The following PUM1 variants were observed in gnomAD, a reference collection of about 807,000 sequenced individuals.
The protein encoded by PUM1 is pumilio homolog 1.
PUM1 carries 13 observed loss-of-function variants against 131.8 expected under a neutral mutation model. The observed-to-expected ratio is 0.10, with a 90% CI of 0.06 to 0.16. PUM1 has a LOEUF of 0.16. Among genes scored for constraint, PUM1 ranks in the 10% least tolerant of loss-of-function variants. The probability of loss-of-function intolerance (pLI) is 1.00; values close to 1 mark genes in which losing one functional copy is unlikely to be tolerated. For missense variants in PUM1, 961 were observed against 1,512.4 expected, an observed-to-expected ratio of 0.64 and a Z score of 6.05; for synonymous variants, 509 against 556.5, an observed-to-expected ratio of 0.91 and a Z score of 1.20.
chr1:30,972,823 C>A (rs6684464), intron 10 of PUM1, among the ~76,000 whole-genome samples: 1 of 150,956 alleles, frequency 6.6e-6, no homozygotes, highest in Non-Finnish European at 1.5e-5. Context: ...CTCAGGCCTA[C>A]AATCACAGCA....
At chr1:30,970,324 C>T (rs982918620) in intron 10 of PUM1, among the ~76,000 whole-genome samples, 1 of 152,194 alleles carries the variant, frequency 6.6e-6, no homozygotes, top group Non-Finnish European at 1.5e-5. Context: ...GTGACCAACA[C>T]TGTCCACACT....
At chr1:30,987,474 C>T (rs552652701) in intron 7 of PUM1, among the ~76,000 whole-genome samples, 7 of 152,254 alleles carry the variant, frequency 4.6e-5, no homozygotes, top group Non-Finnish European at 7.3e-5. Context: ...AGATTACAGG[C>T]GTGAGCCACC....
chr1:31,007,366 T>C (rs536903765), intron 3 of PUM1, among the ~76,000 whole-genome samples: 3 of 152,284 alleles, frequency 2.0e-5, no homozygotes, highest in Admixed American at 6.5e-5. Flanking sequence ...TATCTAGAAT[T>C]ACTCGCTTAA....
intron 9 of PUM1, among the ~76,000 whole-genome samples, chr1:30,976,600 A>G (rs919587393): frequency 6.6e-6 from 1 of 152,180 alleles, no homozygotes; most frequent in African/African-American, 2.4e-5. Context: ...CCCAATATAA[A>G]TATGTTTTGA....
chr1:30,997,337 C>G (rs2124493893), intron 5 of PUM1, among the ~76,000 whole-genome samples: 1 of 152,060 alleles, frequency 6.6e-6, no homozygotes, highest in East Asian at 1.9e-4. Flanking sequence ...ATGGTGAAAC[C>G]CTGTCTCTAA....
chr1:30,950,078 C>T (rs1639864168), intron 17 of PUM1, 49 bp downstream of exon 17: 1 of 1,586,450 alleles, frequency 6.3e-7, no homozygotes, highest in Non-Finnish European at 8.6e-7. Flanking sequence ...ACTACATGTA[C>T]CATGGAGAAA....
At position 31,028,790 on chromosome 1, in the gene PUM1, A is replaced by G. The variant is rs768362968; in HGVS notation, c.432+6T>C. 4 of 1,611,958 alleles carry G rather than the reference A, an allele frequency of 2.5e-6. No individual in the cohort carries two copies. Among genetic ancestry groups the G allele is most frequent in the Non-Finnish European group, 3.4e-6 (4 of 1,178,044 alleles). On this transcript the variant is annotated splice_donor_region_variant and intron_variant, in intron 3 of 21. Coordinates refer to ENST00000426105, the MANE Select transcript of PUM1 (RefSeq NM_001020658.2). ...ACCCACTTTTCTGACACACCAGTTCACTTACCTCTCCCATCGCTCTTCCCT... is the reference window on the plus strand; with the variant it reads ...ACCCACTTTTCTGACACACCAGTTCGCTTACCTCTCCCATCGCTCTTCCCT...
chr1:30,949,951 T>G (rs1267673238), intron 17 of PUM1, among the ~76,000 whole-genome samples, 176 bp downstream of exon 17: 1 of 152,238 alleles, frequency 6.6e-6, no homozygotes. Flanking sequence ...AGATACTTGA[T>G]CTGCAACAAG....
intron 14 of PUM1, among the ~76,000 whole-genome samples, chr1:30,959,455 T>C (rs1040320896): frequency 6.6e-6 from 1 of 152,150 alleles, no homozygotes; most frequent in Admixed American, 6.5e-5. Context: ...AATCAATTAA[T>C]GTAACATACC....
rs768768871 is a variant in PUM1, at chr1:30,933,295, G to A, written c.3483C>T (p.His1161=). The A allele has an allele frequency of 5.0e-6, 8 of 1,613,652 alleles. No individual in the cohort carries two copies. The highest frequency in any genetic ancestry group is 4.5e-5 in the East Asian group (2 of 44,882). The stretch of plus-strand genomic sequence containing the variant: ...AGTACTTCTCCAGCTTGGCCAGAAT[G>A]TGCTTGCCATAGGTGTACTTACGAA... ...ATLRKYTYGK[H]ILAKLEKYYM... Residue 1161 remains histidine, a synonymous_variant, in exon 22 of 22, where the codon CAC becomes CAT. Coordinates refer to ENST00000426105, the MANE Select transcript of PUM1 (RefSeq NM_001020658.2).
At chr1:31,013,955 T>C (rs1255733822) in intron 3 of PUM1, among the ~76,000 whole-genome samples, 1 of 152,214 alleles carries the variant, frequency 6.6e-6, no homozygotes, top group Non-Finnish European at 1.5e-5. Flanking sequence ...GCCAAGTTCA[T>C]TCATTCCTGG....
intron 5 of PUM1, among the ~76,000 whole-genome samples, chr1:30,999,723 A>G (rs1239030438): frequency 6.6e-6 from 1 of 151,180 alleles, no homozygotes; most frequent in African/African-American, 2.4e-5. Context: ...TGGACAGGTC[A>G]TTTAATCTCT....
At chr1:31,043,167 G>C (rs536260596) in intron 2 of PUM1, among the ~76,000 whole-genome samples, 1 of 152,084 alleles carries the variant, frequency 6.6e-6, no homozygotes, top group African/African-American at 2.4e-5. Flanking sequence ...CTGGGTGGGG[G>C]AAGCAATTTG....
At chr1:31,005,029 T>C (rs1642349137) in intron 5 of PUM1, among the ~76,000 whole-genome samples, 1 of 152,202 alleles carries the variant, frequency 6.6e-6, no homozygotes, top group African/African-American at 2.4e-5. Context: ...TTCATGTGCC[T>C]CTCATGGCCT....
Position 31,059,365 on chromosome 1 carries a change from A to G in PUM1, c.202T>C (p.Ser68Pro). ...AGTHSSPVPG[S>P]IGVAGRSQDD... ...TGGGAACGGCCTGCAACTCCTATAG[A>G]TCCTGGGACAGGGCTGGAGTGAGTC... is the stretch of plus-strand genomic sequence containing the variant. The change falls in exon 2 of 22, where the codon TCT becomes CCT. Residue 68 changes from serine to proline, a missense_variant. Physicochemically the swap from Ser to Pro is moderately conservative, Grantham distance 74 (BLOSUM62 -1). This residue lies in a region of PUM1 where 654 missense variants were observed against 923.9 expected (regional missense o/e 0.71). Transcript: ENST00000426105. The G allele has an allele frequency of 6.2e-7, 1 of 1,614,098 alleles. No individual in the cohort carries two copies. The highest frequency in any genetic ancestry group is 8.5e-7 in the Non-Finnish European group (1 of 1,180,030).
intron 14 of PUM1, among the ~76,000 whole-genome samples, chr1:30,963,824 G>C (rs1043294167): frequency 2.6e-5 from 4 of 152,156 alleles, no homozygotes; most frequent in African/African-American, 9.7e-5. Context: ...TCACAAAAGT[G>C]TTCTGGTTTG....
chr1:30,987,967 A>T (rs944652279), intron 7 of PUM1, among the ~76,000 whole-genome samples: 4 of 152,232 alleles, frequency 2.6e-5, no homozygotes, highest in Admixed American at 2.0e-4. Context: ...CAGCTAGTAC[A>T]TCTACTTCTA....
intron 7 of PUM1, among the ~76,000 whole-genome samples, chr1:30,990,557 G>A (rs147037791): frequency 9.2e-5 from 14 of 152,156 alleles, no homozygotes; most frequent in Admixed American, 6.5e-4. Context: ...AAAAGGAATC[G>A]TTCCTTCTTG....
In PUM1 at chr1:30,981,388, A is replaced by G. The variant is rs1641351494; in HGVS notation, c.1176T>C (p.Asn392=). 10 of 1,602,460 alleles carry G rather than the reference A, an allele frequency of 6.2e-6. No individual in the cohort carries two copies. Among genetic ancestry groups the G allele is most frequent in the Non-Finnish European group, 8.5e-6 (10 of 1,172,908 alleles). Residue 392 remains asparagine, a synonymous_variant, in exon 8 of 22, where the codon AAT becomes AAC. Transcript: ENST00000426105. ...CTGTCAACTGCTGGACAGCAAGCGC[A>G]TTAGGTCTTTGGAACAGCTGAGGCA... ...NSQQQLFQRP[N]ALAVQQLTAA...
Sources: gnomAD v4.1 joint callset for allele counts (sites outside exome capture counted in the v4.1 genomes callset) on GRCh38, gnomAD v4.1.1 for gene constraint, gnomAD v4.1.1 regional missense constraint, MANE v1.5 for transcripts, NCBI Gene and HGNC (gene_info 2026-07-23, HGNC 2026-07-21) for gene names.